The following MTRF1 variants were observed in gnomAD, a reference collection of about 807,000 sequenced individuals.
MTRF1 encodes the protein mitochondrial translation release factor 1, also known as peptide chain release factor 1, mitochondrial.
A neutral mutation model predicts 62.9 loss-of-function variants in MTRF1; 51 were observed. The ratio of observed to expected loss-of-function variants is 0.81; its 90% CI spans 0.65 to 1.02. The LOEUF is 1.02. Ranked by LOEUF, MTRF1 falls within the 50% of genes least tolerant of loss-of-function variation. The pLI is 0.00. For missense variants in MTRF1, 446 were observed against 530.0 expected, an observed-to-expected ratio of 0.84 and a Z score of 1.56; for synonymous variants, 158 against 181.9, an observed-to-expected ratio of 0.87 and a Z score of 1.06.
At chr13:41,288,094 C>T in the MTRF1 span, 1 of 469,202 alleles carries the variant, frequency 2.1e-6, no homozygotes, top group South Asian at 1.6e-5. Context: ...AAAAATATGT[C>T]TGTTTACAGA....
At chr13:41,295,497 G>A in the MTRF1 span, among the ~76,000 whole-genome samples, 1 of 151,918 alleles carries the variant, frequency 6.6e-6, no homozygotes, top group Non-Finnish European at 1.5e-5. Context: ...AACTAAATGG[G>A]CTTCTCATGA....
At chr13:41,297,598 C>T in the MTRF1 span, among the ~76,000 whole-genome samples, 1 of 149,948 alleles carries the variant, frequency 6.7e-6, no homozygotes, top group African/African-American at 2.5e-5. Flanking sequence ...TTTTCTGAGA[C>T]CGGGTCTTGC....
At chr13:41,227,699 T>G (rs1053443232) in intron 7 of MTRF1, among the ~76,000 whole-genome samples, 2 of 152,258 alleles carry the variant, frequency 1.3e-5, no homozygotes, top group African/African-American at 2.4e-5. Flanking sequence ...CCCCATTAGC[T>G]TAGCCTATCT....
intron 6 of MTRF1, among the ~76,000 whole-genome samples, chr13:41,237,698 C>T (rs1046208022): frequency 4.6e-5 from 7 of 152,042 alleles, no homozygotes; most frequent in African/African-American, 1.7e-4. Flanking sequence ...AGGGTTTCAC[C>T]ATGTTGGCCA....
chr13:41,229,236 G>T (rs975607304), intron 7 of MTRF1: 5 of 152,138 alleles, frequency 3.3e-5, no homozygotes, highest in African/African-American at 1.2e-4. Context: ...ATATTTATGG[G>T]ATATAGAGTG....
intron 7 of MTRF1, among the ~76,000 whole-genome samples, chr13:41,231,827 G>A (rs2035611288): frequency 6.7e-6 from 1 of 149,604 alleles, no homozygotes; most frequent in Non-Finnish European, 1.5e-5. Flanking sequence ...GATCACTTGA[G>A]CCGAGGAGTT....
chr13:41,284,255 G>A, the MTRF1 span, among the ~76,000 whole-genome samples: 2 of 151,328 alleles, frequency 1.3e-5, no homozygotes, highest in South Asian at 2.1e-4. Context: ...GGAGGCTGAG[G>A]TGGGAGGATC....
At chr13:41,262,700 C>T (rs547332686) in intron 1 of MTRF1, among the ~76,000 whole-genome samples, 3 of 152,294 alleles carry the variant, frequency 2.0e-5, no homozygotes, top group Admixed American at 2.0e-4. Flanking sequence ...GTAGCATGCA[C>T]CTATTGTCCC....
At chr13:41,253,321 A>G (rs1014274431) in intron 3 of MTRF1, among the ~76,000 whole-genome samples, 1 of 152,128 alleles carries the variant, frequency 6.6e-6, no homozygotes, top group Non-Finnish European at 1.5e-5. Context: ...GTTCCATTCA[A>G]TTTTCTTCAG....
upstream of MTRF1, among the ~76,000 whole-genome samples, chr13:41,265,594 G>A (rs573259832): frequency 1.1e-4 from 16 of 152,202 alleles, no homozygotes; most frequent in East Asian, 1.9e-4. Context: ...AGATGAGGTC[G>A]TAAGAGTAGA....
At chr13:41,287,916 G>T in the MTRF1 span, 1 of 424,992 alleles carries the variant, frequency 2.4e-6, no homozygotes, top group Non-Finnish European at 4.6e-6. Context: ...GGTGATGGGA[G>T]TCAGCTTCTT....
At chr13:41,252,161 T>A (rs2039144410) in intron 5 of MTRF1, 1 of 152,456 alleles carries the variant, frequency 6.6e-6, no homozygotes, top group African/African-American at 2.4e-5. Flanking sequence ...ATTACAGGCG[T>A]GAACCATAGT....
At chr13:41,276,456 G>A in the MTRF1 span, among the ~76,000 whole-genome samples, 9 of 152,278 alleles carry the variant, frequency 5.9e-5, no homozygotes, top group Middle Eastern at 3.4e-3. Flanking sequence ...AGAGGCATGA[G>A]CCACCACACC....
chr13:41,218,641 G>T (rs2032478611), intron 9 of MTRF1, among the ~76,000 whole-genome samples: 1 of 152,086 alleles, frequency 6.6e-6, no homozygotes, highest in African/African-American at 2.4e-5. Context: ...AAGTTGTTGG[G>T]ATTAATGAAT....
At chr13:41,255,681 G>T (rs887267827) in intron 2 of MTRF1, among the ~76,000 whole-genome samples, 1 of 152,150 alleles carries the variant, frequency 6.6e-6, no homozygotes, top group Admixed American at 6.5e-5. Context: ...GACAGAGAAA[G>T]ACTCTGTCTT....
At chr13:41,303,033 G>A in the MTRF1 span, among the ~76,000 whole-genome samples, 1 of 152,064 alleles carries the variant, frequency 6.6e-6, no homozygotes, top group African/African-American at 2.4e-5. Context: ...CTACTCAAGA[G>A]GCTGGAATAC....
intron 6 of MTRF1, among the ~76,000 whole-genome samples, chr13:41,239,917 T>C (rs529706036): frequency 6.6e-6 from 1 of 152,116 alleles, no homozygotes; most frequent in African/African-American, 2.4e-5. Flanking sequence ...TCCCACCACT[T>C]TGGAAGGGCG....
At chr13:41,248,570 C>T (rs560229053) in intron 5 of MTRF1, among the ~76,000 whole-genome samples, 114 of 152,318 alleles carry the variant, frequency 7.5e-4, no homozygotes, top group Admixed American at 2.0e-3. Flanking sequence ...ACCAAAGTTC[C>T]CACTGTATGG....
intron 1 of MTRF1, chr13:41,261,735 T>G: frequency 6.4e-6 from 6 of 942,576 alleles, no homozygotes; most frequent in Non-Finnish European, 7.6e-6. Flanking sequence ...AGAGCTGGTA[T>G]TAGAATGTAA....
Sources: gnomAD v4.1 joint callset for allele counts (sites outside exome capture counted in the v4.1 genomes callset) on GRCh38, gnomAD v4.1.1 for gene constraint, MANE v1.5 for transcripts, NCBI Gene and HGNC (gene_info 2026-07-23, HGNC 2026-07-21) for gene names.